The following DIAPH1 variants were observed in gnomAD, a reference collection of about 807,000 sequenced individuals.
The protein encoded by DIAPH1 is protein diaphanous homolog 1.
In DIAPH1, 46 loss-of-function variants were observed where a neutral mutation model predicts 140.7. That is an observed-to-expected ratio of 0.33 (90% confidence interval 0.26 to 0.42). DIAPH1 has a LOEUF of 0.42. Ranked by LOEUF, DIAPH1 falls within the 10% of genes least tolerant of loss-of-function variation. The pLI is 1.00. For missense variants in DIAPH1, 1,310 were observed against 1,558.7 expected, an observed-to-expected ratio of 0.84 and a Z score of 2.69; for synonymous variants, 565 against 551.6, an observed-to-expected ratio of 1.02 and a Z score of -0.34.
chr5:141,600,404 A>G (rs2099899964), intron 1 of DIAPH1, among the ~76,000 whole-genome samples: 1 of 152,220 alleles, frequency 6.6e-6, no homozygotes, highest in Non-Finnish European at 1.5e-5. Flanking sequence ...CTTCTGACCA[A>G]CAGAACTATG....
intron 18 of DIAPH1, chr5:141,536,083 T>C (rs1165205122): frequency 6.6e-6 from 3 of 453,524 alleles, no homozygotes; most frequent in Non-Finnish European, 1.4e-5. Context: ...GCAGATCACT[T>C]GAGCTCAGGA....
Position 141,578,557 on chromosome 5 carries a change from G to A in DIAPH1, c.1002C>T (p.Ile334=), listed in dbSNP as rs748386464. The stretch of plus-strand genomic sequence containing the variant: ...GCCCCAAACGCATCAGTTCACTTCT[G>A]ATGTGAACTCGGAAGTCAAGTTCCT... The part of the protein sequence containing the change: ...PAEELDFRVH[I]RSELMRLGLH... Residue 334 remains isoleucine, a synonymous_variant, in exon 10 of 28, where the codon ATC becomes ATT. Coordinates refer to ENST00000389054, the MANE Select transcript of DIAPH1 (RefSeq NM_005219.5). 42 of 1,613,892 alleles carry A rather than the reference G, an allele frequency of 2.6e-5. 2 individuals are homozygous for A. The South Asian group carries it at 4.5e-4, about 17-fold the overall frequency.
chr5:141,586,765 G>A lies in DIAPH1; in HGVS notation c.300+277C>T, dbSNP rs188992238. Among the ~76,000 whole-genome samples the A allele has an allele frequency of 1.4e-4, 21 of 152,342 alleles. No homozygotes were observed. In the East Asian group the frequency reaches 4.0e-3, roughly 29 times the overall value. ...TTACCAACTCTGGTACACAGGGTTA[G>A]ATGGTCCACTACGTCTTTGTGGCTA... is the stretch of plus-strand genomic sequence containing the variant. On this transcript the variant is annotated intron_variant, in intron 3 of 27. Coordinates refer to ENST00000389054, the MANE Select transcript of DIAPH1 (RefSeq NM_005219.5).
chr5:141,540,675 C>T (rs142303737), intron 18 of DIAPH1, among the ~76,000 whole-genome samples: 3,463 of 152,086 alleles, frequency 0.023, 55 homozygotes, highest in East Asian at 0.047. Context: ...CTTGGCCTCC[C>T]AAAGTGCTGC....
In DIAPH1 at chr5:141,584,175, G is replaced by A; in HGVS notation, c.351C>T (p.Asp117=). 6.2e-7 allele frequency: 1 copy of A among 1,613,448 alleles called. No individual in the cohort carries two copies. The highest frequency in any genetic ancestry group is 8.5e-7 in the Non-Finnish European group (1 of 1,179,512). ...ACACCATCTCCCTCTTGATGATGAT[G>A]TCCTTCTCCCTCAAAGGTTGCTGTT... The part of the protein sequence containing the change: ...EEKQQPLREK[D]IIIKREMVSQ... Residue 117 remains aspartate, a synonymous_variant, in exon 4 of 28, where the codon GAC becomes GAT. Coordinates refer to ENST00000389054, the MANE Select transcript of DIAPH1 (RefSeq NM_005219.5).
At chr5:141,601,449 G>T (rs1404836808) in intron 1 of DIAPH1, among the ~76,000 whole-genome samples, 1 of 151,946 alleles carries the variant, frequency 6.6e-6, no homozygotes, top group East Asian at 1.9e-4. Context: ...CACTATATCT[G>T]GCTAACTTTT....
In DIAPH1 at chr5:141,578,251, C is replaced by T. The variant is rs2154596435; in HGVS notation, c.1137G>A (p.Arg379=). The T allele has an allele frequency of 6.2e-7, 1 of 1,613,986 alleles. No homozygotes were observed. The highest frequency in any genetic ancestry group is 8.5e-7 in the Non-Finnish European group (1 of 1,179,854). ...GEEDSYDLKG[R]LDDIRMEMDD... Reference sequence around the variant, plus strand: ...CCATCTCCATGCGAATGTCATCCAGCCGTCCCTTCAGGTCATAGGAATCCT... The same window carrying T: ...CCATCTCCATGCGAATGTCATCCAGTCGTCCCTTCAGGTCATAGGAATCCT... Residue 379 remains arginine (R), a synonymous_variant, in exon 11 of 28, where the codon CGG becomes CGA. Transcript: ENST00000389054.
chr5:141,575,515 G>A (rs1349330664), intron 14 of DIAPH1, among the ~76,000 whole-genome samples: 1 of 152,094 alleles, frequency 6.6e-6, no homozygotes, highest in Non-Finnish European at 1.5e-5. Context: ...CGGGCATGGT[G>A]GTGGGCACCT....
intron 18 of DIAPH1, among the ~76,000 whole-genome samples, chr5:141,543,954 G>C (rs765632912): frequency 1.3e-5 from 2 of 152,194 alleles, no homozygotes; most frequent in Non-Finnish European, 2.9e-5. Context: ...ACATCTAGAA[G>C]AGAACAGGGG....
intron 27 of DIAPH1, chr5:141,519,004 G>C: frequency 6.4e-7 from 1 of 1,550,576 alleles, no homozygotes; most frequent in Non-Finnish European, 8.7e-7. Flanking sequence ...TGTCTACCAA[G>C]AGGAGAAAGA....
Position 141,528,458 on chromosome 5 carries a change from C to T in DIAPH1, c.3143G>A (p.Ser1048Asn). 6.2e-7 allele frequency: 1 copy of T among 1,614,212 alleles called. No homozygotes were observed. Among genetic ancestry groups the T allele is most frequent in the Non-Finnish European group, 8.5e-7 (1 of 1,180,038 alleles). Residue 1048 changes from serine (S) to asparagine (N), a missense_variant, in exon 23 of 28, where the codon AGC becomes AAC. By Grantham distance (46) the Ser-to-Asn change is conservative (BLOSUM62 1). This residue lies in a region of DIAPH1 where 344 missense variants were observed against 512.2 expected (regional missense o/e 0.67). Transcript: ENST00000389054. ...PDELAHVEKA[S>N]RVSAENLQKN... ...TTCATTCCAAACTGCCCCACCTCGG[C>T]TGGCTTTCTCCACATGGGCAAGCTC...
intron 1 of DIAPH1, among the ~76,000 whole-genome samples, chr5:141,607,268 G>A (rs535322611): frequency 2.8e-4 from 42 of 152,166 alleles, no homozygotes; most frequent in African/African-American, 9.6e-4. Context: ...GACTCAGATT[G>A]TTTCAACAAT....
chr5:141,612,128 C>T (rs2099901944), intron 1 of DIAPH1, among the ~76,000 whole-genome samples: 1 of 152,148 alleles, frequency 6.6e-6, no homozygotes, highest in South Asian at 2.1e-4. Context: ...CACATACCCA[C>T]TAGAATGGCT....
chr5:141,559,420 A>T (rs925177782), intron 18 of DIAPH1, among the ~76,000 whole-genome samples: 1 of 152,214 alleles, frequency 6.6e-6, no homozygotes, highest in Admixed American at 6.5e-5. Context: ...ACCATTACAG[A>T]TGTGCAAGCT....
intron 14 of DIAPH1, 85 bp from the exon 15 acceptor site, chr5:141,575,231 T>A (rs1401897655): frequency 2.1e-6 from 3 of 1,428,806 alleles, no homozygotes; most frequent in Non-Finnish European, 3.0e-6. Context: ...TCTCCCTACC[T>A]CCTCTTTTGC....
chr5:141,592,081 C>CAAAA (rs1169137676), intron 1 of DIAPH1, among the ~76,000 whole-genome samples: 1 of 86,922 alleles, frequency 1.2e-5, no homozygotes. Context: ...GACTCTGTAT[C>CAAAA]AAAAAAAAAA....
At chr5:141,582,290 A>G in intron 7 of DIAPH1, 22 bp downstream of exon 7, 1 of 1,603,530 alleles carries the variant, frequency 6.2e-7, no homozygotes, top group East Asian at 2.2e-5. Context: ...GGGGTTTGGA[A>G]TGAGAATGGG....
intron 18 of DIAPH1, among the ~76,000 whole-genome samples, chr5:141,562,312 A>G (rs1231050579): frequency 6.6e-6 from 1 of 152,098 alleles, no homozygotes; most frequent in Non-Finnish European, 1.5e-5. Context: ...AAAAACTTAT[A>G]ATTTTTTTAA....
At chr5:141,527,080 AAG>A (rs2099887448) in intron 24 of DIAPH1, among the ~76,000 whole-genome samples, 1 of 152,150 alleles carries the variant, frequency 6.6e-6, no homozygotes, top group African/African-American at 2.4e-5. Flanking sequence ...GGGGAGGGGA[AAG>A]AGAGGGAAGC....
Sources: allele counts gnomAD v4.1 joint callset (sites outside exome capture counted in the v4.1 genomes callset), GRCh38; gene constraint gnomAD v4.1.1; regional missense constraint gnomAD v4.1.1; transcripts MANE v1.5; gene names NCBI Gene and HGNC (gene_info 2026-07-23, HGNC 2026-07-21).